Variants in TMEM82 observed in about 807,000 individuals in gnomAD.
TMEM82 encodes the protein transmembrane protein 82.
TMEM82 carries 30 observed loss-of-function variants against 29.2 expected under a neutral mutation model. The ratio of observed to expected loss-of-function variants is 1.03; its 90% CI spans 0.77 to 1.39. The LOEUF (loss-of-function observed/expected upper bound fraction) is 1.39, where lower values mean the gene tolerates loss of function less well. Among genes scored for constraint, TMEM82 ranks in the 40% most tolerant of loss-of-function variants. TMEM82 has a pLI of 0.00. For synonymous variants in TMEM82, 221 were observed against 225.4 expected, an observed-to-expected ratio of 0.98 and a Z score of 0.18; for missense variants, 442 against 447.7, an observed-to-expected ratio of 0.99 and a Z score of 0.12.
At chr1:15,743,339 T>C in intron 3 of TMEM82, 145 bp downstream of exon 3, 1 of 1,086,378 alleles carries the variant, frequency 9.2e-7, no homozygotes, top group Non-Finnish European at 1.3e-6. Context: ...AGGCTGCAGG[T>C]TGCACCTTTG....
At chr1:15,745,472 T>C (rs2068327025) in intron 4 of TMEM82, among the ~76,000 whole-genome samples, 1 of 150,014 alleles carries the variant, frequency 6.7e-6, no homozygotes, top group Non-Finnish European at 1.5e-5. Context: ...TGAGCCAGGA[T>C]CGAACCACTG....
rs1322310659 is a variant in TMEM82 at position 15,746,941 on chromosome 1, C to T, written c.832C>T (p.Leu278=). 3 of 1,610,448 alleles carry T rather than the reference C, an allele frequency of 1.9e-6. No individual in the cohort carries two copies. The highest frequency in any genetic ancestry group is 2.5e-6 in the Non-Finnish European group (3 of 1,179,932). Residue 278 remains leucine, a synonymous_variant, in exon 5 of 6, where the codon CTG becomes TTG. Coordinates refer to ENST00000375782, the MANE Select transcript of TMEM82 (RefSeq NM_001013641.3). The part of the protein sequence containing the change: ...VLVRMGGLFV[L]LLTVGRWLDL... ...GGTGCGCATGGGCGGCCTCTTCGTG[C>T]TGCTGCTGACTGTGGGTCGCTGGCT...
rs749359767 is a variant in TMEM82 at position 15,744,137 on chromosome 1, C to T, written c.337-23C>T. The stretch of plus-strand genomic sequence containing the variant: ...TGGTGAGGCAGCCCCCACATCTCGG[C>T]CCCTCTTCGGCACTCCCCGCAGGGC... On this transcript the variant is annotated intron_variant, in intron 3 of 5. Transcript: ENST00000375782. The surrounding 1 kb of genome is among the most constrained non-coding windows in gnomAD (Gnocchi z 5.2). The T allele has an allele frequency of 4.0e-6, 6 of 1,482,828 alleles. No homozygotes were observed. Among genetic ancestry groups the T allele is most frequent in the East Asian group, 4.8e-5 (2 of 41,270 alleles). The allele number at this position is 1,482,828 out of a possible 1,614,324, so 91.9% of individuals were successfully genotyped here. A position where few individuals can be genotyped will look rare whatever the true frequency, so the allele number is the denominator to read the frequency against.
In TMEM82 at chr1:15,744,606, T is replaced by C; in HGVS notation, c.757+26T>C. ...GTGAGCGCTGCGGGGCCTGCTCCAT[T>C]CAATCCACGCACATCCCTCTGTCTG... On this transcript the variant is annotated intron_variant, in intron 4 of 5. Transcript: ENST00000375782. This position sits in a 1 kb window ranked among gnomAD's most constrained non-coding sequence, Gnocchi z 5.2. The C allele has an allele frequency of 6.3e-7, 1 of 1,575,422 alleles. No individual in the cohort carries two copies. Among genetic ancestry groups the C allele is most frequent in the Non-Finnish European group, 8.6e-7 (1 of 1,158,994 alleles).
In TMEM82 at chr1:15,746,824, C is replaced by T. The variant is rs749643198; in HGVS notation, c.758-43C>T. On this transcript the variant is annotated intron_variant, in intron 4 of 5. Coordinates refer to ENST00000375782, the MANE Select transcript of TMEM82 (RefSeq NM_001013641.3). ...GGTCAGGGAGCAGGGAGGTCCAGTCCGGGGTGTGTGGTCGGACGGTGACAG... is the reference window on the plus strand; with the variant it reads ...GGTCAGGGAGCAGGGAGGTCCAGTCTGGGGTGTGTGGTCGGACGGTGACAG... The T allele has an allele frequency of 1.6e-5, 24 of 1,517,320 alleles. No individual in the cohort carries two copies. The Admixed American group carries it at 3.4e-4, about 21-fold the overall frequency. The allele number at this position is 1,517,320 out of a possible 1,614,324, so 94.0% of individuals were successfully genotyped here. A position where few individuals can be genotyped will look rare whatever the true frequency, so the allele number is the denominator to read the frequency against.
intron 3 of TMEM82, among the ~76,000 whole-genome samples, chr1:15,743,737 T>C (rs1282092221): frequency 6.6e-6 from 1 of 152,180 alleles, no homozygotes; most frequent in Non-Finnish European, 1.5e-5. Flanking sequence ...GCGGATCACC[T>C]GAGGTTAGGA....
rs113990827 is a variant in TMEM82, at chr1:15,746,635, T to G, written c.758-232T>G. On this transcript the variant is annotated intron_variant, in intron 4 of 5. Transcript: ENST00000375782. ...TCCTGCCACTGCGAGGCTGCGAGGC[T>G]GTGGGGCTCTGGCCTGGACCAGTTG... Among the ~76,000 whole-genome samples, 930 of 152,110 alleles carry G rather than the reference T, an allele frequency of 6.1e-3. 4 individuals carry two copies. Among genetic ancestry groups the G allele is most frequent in the Middle Eastern group, 0.031 (9 of 294 alleles).
chr1:15,742,827 C>A lies in TMEM82; in HGVS notation c.89-8C>A, dbSNP rs1377334410. The A allele has an allele frequency of 6.2e-7, 1 of 1,610,978 alleles. No homozygotes were observed. The highest frequency in any genetic ancestry group is 8.5e-7 in the Non-Finnish European group (1 of 1,178,614). The stretch of plus-strand genomic sequence containing the variant: ...CGCTGCCTCGCTGCCTCCCTCCCGC[C>A]CCCTCAGGCCTGATCGGGGCCCTTG... On this transcript the variant is annotated splice_polypyrimidine_tract_variant and splice_region_variant and intron_variant, in intron 1 of 5. Transcript: ENST00000375782.
At position 15,744,376 on chromosome 1, in the gene TMEM82, C is replaced by A; in HGVS notation, c.553C>A (p.Arg185Ser). ...CCTCTACGAGCTGCACAGCAGCCAG[C>A]GCTACTGTGGGGTGTGCCTGGGCCT... is the stretch of plus-strand genomic sequence containing the variant. ...CRLYELHSSQ[R>S]YCGVCLGLLA... Residue 185 changes from arginine to serine, a missense_variant, in exon 4 of 6, where the codon CGC (arginine) becomes AGC (serine). Arg to Ser is a moderately radical substitution (Grantham distance 110, BLOSUM62 -1). Coordinates refer to ENST00000375782, the MANE Select transcript of TMEM82 (RefSeq NM_001013641.3). The surrounding 1 kb of genome is among the most constrained non-coding windows in gnomAD (Gnocchi z 5.2). The A allele has an allele frequency of 6.4e-7, 1 of 1,561,518 alleles. No homozygotes were observed. The highest frequency in any genetic ancestry group is 8.7e-7 in the Non-Finnish European group (1 of 1,155,840).
chr1:15,743,347 T>C (rs1369798056), intron 3 of TMEM82, among the ~76,000 whole-genome samples, 153 bp downstream of exon 3: 2 of 152,216 alleles, frequency 1.3e-5, no homozygotes, highest in African/African-American at 4.8e-5. Context: ...GGTTGCACCT[T>C]TGGGTTTGGT....
intron 4 of TMEM82, among the ~76,000 whole-genome samples, chr1:15,745,561 AAG>A (rs796862384): frequency 1.4e-5 from 2 of 147,850 alleles, no homozygotes; most frequent in Non-Finnish European, 3.0e-5. Context: ...GAAAGAGAGA[AAG>A]AGAGAGAGAG....
chr1:15,742,506 T>G lies in TMEM82; in HGVS notation c.-54T>G. 7.4e-7 allele frequency: 1 copy of G among 1,356,172 alleles called. No individual in the cohort carries two copies. The highest frequency in any genetic ancestry group is 9.9e-7 in the Non-Finnish European group (1 of 1,012,544). 84.0% of individuals were successfully genotyped at this position (1,356,172 alleles called of 1,614,324 possible). A position where few individuals can be genotyped will look rare whatever the true frequency, so the allele number is the denominator to read the frequency against. ...CACCGACACCTTTGCCCAGTGACGT[T>G]GGTCTGTCCTTACGCAGACCTGGCC... is the stretch of plus-strand genomic sequence containing the variant. On this transcript the variant is annotated 5_prime_UTR_variant, in exon 1 of 6. Transcript: ENST00000375782.
At position 15,744,679 on chromosome 1, in the gene TMEM82, T is replaced by A; in HGVS notation, c.757+99T>A. 6 of 1,383,312 alleles carry A rather than the reference T, an allele frequency of 4.3e-6. No individual in the cohort carries two copies. The highest frequency in any genetic ancestry group is 5.8e-6 in the Non-Finnish European group (6 of 1,033,432). The allele number at this position is 1,383,312 out of a possible 1,614,324, so 85.7% of individuals were successfully genotyped here. On this transcript the variant is annotated intron_variant, in intron 4 of 5. Coordinates refer to ENST00000375782, the MANE Select transcript of TMEM82 (RefSeq NM_001013641.3). This position sits in a 1 kb window ranked among gnomAD's most constrained non-coding sequence, Gnocchi z 5.2. Reference sequence around the variant, plus strand: ...GAGCCATCAGCCCTCACTCTTGCCATCCCAGAGAGCCTGGTCAGGACAGAG... The same window carrying A: ...GAGCCATCAGCCCTCACTCTTGCCAACCCAGAGAGCCTGGTCAGGACAGAG...
intron 3 of TMEM82, among the ~76,000 whole-genome samples, 162 bp from the exon 4 acceptor site, chr1:15,743,998 A>G (rs1051940934): frequency 6.6e-6 from 1 of 151,854 alleles, no homozygotes; most frequent in Non-Finnish European, 1.5e-5. Flanking sequence ...ATATGATTGA[A>G]ATTAAGGTGA....
At chr1:15,745,337 A>G (rs2068326134) in intron 4 of TMEM82, among the ~76,000 whole-genome samples, 1 of 152,066 alleles carries the variant, frequency 6.6e-6, no homozygotes, top group South Asian at 2.1e-4. Context: ...CCTAACCAAC[A>G]TGGTAAAACC....
intron 4 of TMEM82, among the ~76,000 whole-genome samples, chr1:15,745,302 C>A (rs114412876): frequency 6.6e-6 from 1 of 152,074 alleles, no homozygotes; most frequent in African/African-American, 2.4e-5. Flanking sequence ...AGGCAAATCA[C>A]GTGAGGTCAG....
chr1:15,744,326 G>T lies in TMEM82; in HGVS notation c.503G>T (p.Arg168Leu). The T allele has an allele frequency of 1.9e-6, 3 of 1,543,224 alleles. No individual in the cohort carries two copies. The highest frequency in any genetic ancestry group is 2.4e-5 in the East Asian group (1 of 41,346). Reference sequence around the variant, plus strand: ...GCCACGCTGCTGGGCCTGGGTGCCCGGCGCCTCCACCGCCACGTCTGCCGC... The same window carrying T: ...GCCACGCTGCTGGGCCTGGGTGCCCTGCGCCTCCACCGCCACGTCTGCCGC... ...GLATLLGLGA[R>L]RLHRHVCRLY... is the part of the protein sequence containing the mutation. Residue 168 changes from arginine (R) to leucine (L), a missense_variant, in exon 4 of 6, where the codon CGG (arginine) becomes CTG (leucine). Arg to Leu is a moderately radical substitution (Grantham distance 102, BLOSUM62 -2). Transcript: ENST00000375782. The surrounding 1 kb of genome is among the most constrained non-coding windows in gnomAD (Gnocchi z 5.2).
intron 4 of TMEM82, among the ~76,000 whole-genome samples, chr1:15,745,717 A>C (rs1375862404): frequency 1.3e-5 from 2 of 150,316 alleles, no homozygotes; most frequent in East Asian, 4.0e-4. Context: ...ATGTGGTGAA[A>C]CCCCCGTCTC....
At chr1:15,746,605 C>T (rs1372647557) in intron 4 of TMEM82, among the ~76,000 whole-genome samples, 1 of 151,894 alleles carries the variant, frequency 6.6e-6, no homozygotes, top group African/African-American at 2.4e-5. Context: ...AGGAGTCAGA[C>T]CGACTCCTGC....
Sources: allele counts gnomAD v4.1 joint callset (sites outside exome capture counted in the v4.1 genomes callset), GRCh38; gene constraint gnomAD v4.1.1; non-coding constraint Gnocchi (gnomAD v3.1); transcripts MANE v1.5; gene names NCBI Gene and HGNC (gene_info 2026-07-23, HGNC 2026-07-21).